TUSC3: variants seen among roughly 807,000 people sequenced by gnomAD.
TUSC3 encodes dolichyl-diphosphooligosaccharide--protein glycosyltransferase subunit TUSC3.
Under a neutral mutation model 44.8 loss-of-function variants are expected in TUSC3, and 45 were observed. That is an observed-to-expected ratio of 1.00 (90% CI 0.79 to 1.29). TUSC3 has a LOEUF of 1.29. TUSC3 is among the 50% of genes most tolerant of loss of function. The pLI is 0.00. For missense variants in TUSC3, 519 were observed against 437.9 expected, an observed-to-expected ratio of 1.19 and a Z score of -1.65; for synonymous variants, 212 against 152.9, an observed-to-expected ratio of 1.39 and a Z score of -2.85.
intron 1 of TUSC3, among the ~76,000 whole-genome samples, chr8:15,439,615 A>G (rs1799995028): frequency 6.6e-6 from 1 of 152,226 alleles, no homozygotes; most frequent in African/African-American, 2.4e-5. Context: ...AGTCATACAC[A>G]ACACTGTGTT....
At chr8:15,453,154 T>C (rs1800215483) in intron 1 of TUSC3, among the ~76,000 whole-genome samples, 1 of 152,200 alleles carries the variant, frequency 6.6e-6, no homozygotes, top group Non-Finnish European at 1.5e-5. Context: ...ACACAGCTTA[T>C]ACATGTGATT....
intron 1 of TUSC3, among the ~76,000 whole-genome samples, chr8:15,445,315 A>ATTT (rs772958943): frequency 7.0e-6 from 1 of 143,412 alleles, no homozygotes; most frequent in African/African-American, 2.6e-5. Flanking sequence ...CCAGGATTTT[A>ATTT]TTTTTTTTTT....
intron 2 of TUSC3, among the ~76,000 whole-genome samples, chr8:15,512,247 T>G (rs1801147125): frequency 6.6e-6 from 1 of 152,206 alleles, no homozygotes; most frequent in Non-Finnish European, 1.5e-5. Context: ...ATTAAATTGG[T>G]GGACTTTGAG....
At chr8:15,641,940 A>G (rs1478468808) in intron 2 of TUSC3, among the ~76,000 whole-genome samples, 2 of 152,220 alleles carry the variant, frequency 1.3e-5, no homozygotes, top group Non-Finnish European at 2.9e-5. Context: ...TATTAACTTG[A>G]CTGTGGTGGT....
At chr8:15,586,758 G>C (rs1803620404) in intron 1 of TUSC3, among the ~76,000 whole-genome samples, 1 of 152,118 alleles carries the variant, frequency 6.6e-6, no homozygotes, top group Non-Finnish European at 1.5e-5. Context: ...GGTTGATACC[G>C]ACAAGCATTT....
the TUSC3 span, among the ~76,000 whole-genome samples, chr8:15,774,673 T>C: frequency 1.3e-5 from 2 of 152,156 alleles, no homozygotes; most frequent in Admixed American, 1.3e-4. Flanking sequence ...TGAGCCAAGG[T>C]CTTGAGTAAA....
intron 2 of TUSC3, among the ~76,000 whole-genome samples, chr8:15,534,959 AC>A (rs1394991455): frequency 6.6e-6 from 1 of 152,188 alleles, no homozygotes; most frequent in African/African-American, 2.4e-5. Flanking sequence ...TTACAGGCAT[AC>A]TATTAAGTTA....
chr8:15,748,647 G>A lies in TUSC3; in HGVS notation c.1028+182G>A. On this transcript the variant is annotated intron_variant, in intron 9 of 10. Coordinates refer to ENST00000503731, the MANE Select transcript of TUSC3 (RefSeq NM_006765.4). ...GTGAAGTACACAAAGGAGATATAAG[G>A]CATGGTTCTTGTTCCCTGACAGCAT... The A allele has an allele frequency of 4.1e-6, 3 of 739,732 alleles. No homozygotes were observed. In the South Asian group the frequency reaches 4.1e-5, roughly 10 times the overall value. 45.8% of individuals were successfully genotyped at this position (739,732 alleles called of 1,614,324 possible).
At chr8:15,824,678 C>G in the TUSC3 span, among the ~76,000 whole-genome samples, 1 of 152,224 alleles carries the variant, frequency 6.6e-6, no homozygotes, top group African/African-American at 2.4e-5. Context: ...TTAATGGGTG[C>G]AGCACACCAA....
chr8:15,728,027 G>C (rs1810570356), intron 6 of TUSC3, among the ~76,000 whole-genome samples: 1 of 152,262 alleles, frequency 6.6e-6, no homozygotes, highest in South Asian at 2.1e-4. Context: ...TTATAGATCA[G>C]TTTCATGAAA....
At chr8:15,459,952 G>A (rs1004453920) in intron 1 of TUSC3, among the ~76,000 whole-genome samples, 1 of 152,042 alleles carries the variant, frequency 6.6e-6, no homozygotes, top group East Asian at 1.9e-4. Context: ...GGGCATTTGG[G>A]TTGGTTCCAG....
intron 1 of TUSC3, among the ~76,000 whole-genome samples, chr8:15,577,975 C>T (rs1269481341): frequency 6.7e-6 from 1 of 149,656 alleles, no homozygotes; most frequent in African/African-American, 2.5e-5. Context: ...TTGTTTGTAT[C>T]CTCTTTTATT....
At chr8:15,624,453 C>G (rs1320707284) in intron 2 of TUSC3, among the ~76,000 whole-genome samples, 3 of 152,204 alleles carry the variant, frequency 2.0e-5, no homozygotes, top group Non-Finnish European at 4.4e-5. Context: ...TTAGTTGCTG[C>G]TTATCCTTAC....
intron 6 of TUSC3, among the ~76,000 whole-genome samples, chr8:15,676,817 G>T (rs1452888804): frequency 6.6e-6 from 1 of 152,100 alleles, no homozygotes; most frequent in Admixed American, 6.6e-5. Context: ...TTGACTTCCT[G>T]CATATTTTGC....
intron 2 of TUSC3, among the ~76,000 whole-genome samples, chr8:15,521,355 C>T: frequency 6.6e-6 from 1 of 152,174 alleles, no homozygotes; most frequent in African/African-American, 2.4e-5. Context: ...GGACCTGTCA[C>T]ACTACCAGAA....
At chr8:15,508,097 C>T (rs1271815084) in intron 2 of TUSC3, among the ~76,000 whole-genome samples, 1 of 151,930 alleles carries the variant, frequency 6.6e-6, no homozygotes, top group Non-Finnish European at 1.5e-5. Flanking sequence ...AAAAATTAGC[C>T]AGGTGTGGTG....
At chr8:15,581,665 G>C (rs535979053) in intron 1 of TUSC3, among the ~76,000 whole-genome samples, 8 of 149,364 alleles carry the variant, frequency 5.4e-5, no homozygotes, top group African/African-American at 2.0e-4. Context: ...TGAGGAGGCA[G>C]TCTGCCCGTT....
intron 2 of TUSC3, among the ~76,000 whole-genome samples, chr8:15,512,447 T>C (rs1801149963): frequency 6.6e-6 from 1 of 152,076 alleles, no homozygotes; most frequent in Admixed American, 6.6e-5. Context: ...TGCCCAACCC[T>C]CCACAAACAT....
chr8:15,601,649 C>G (rs895101288), intron 1 of TUSC3, among the ~76,000 whole-genome samples: 5 of 151,436 alleles, frequency 3.3e-5, no homozygotes, highest in African/African-American at 1.2e-4. Context: ...AAAATCTATT[C>G]TGTAGCAATA....
Sources: allele counts gnomAD v4.1 joint callset (sites outside exome capture counted in the v4.1 genomes callset), GRCh38; gene constraint gnomAD v4.1.1; transcripts MANE v1.5; gene names NCBI Gene and HGNC (gene_info 2026-07-23, HGNC 2026-07-21).